The following NCALD variants were observed in gnomAD, a reference collection of about 807,000 sequenced individuals.
The protein encoded by NCALD is neurocalcin-delta.
In NCALD, 10 loss-of-function variants were observed where a neutral mutation model predicts 18.6. That is an observed-to-expected ratio of 0.54 (90% CI 0.33 to 0.91). The LOEUF (loss-of-function observed/expected upper bound fraction) is 0.91. NCALD is among the 40% of genes least tolerant of loss of function. NCALD has a pLI of 0.03. For missense variants in NCALD, 184 were observed against 247.6 expected, an observed-to-expected ratio of 0.74 and a Z score of 1.72; for synonymous variants, 88 against 87.4, an observed-to-expected ratio of 1.01 and a Z score of -0.04.
In NCALD at chr8:102,013,804, G is replaced by A. The variant is rs547580037; in HGVS notation, c.-157+6433C>T. Among the ~76,000 whole-genome samples the A allele has an allele frequency of 5.9e-5, 9 of 152,224 alleles. No homozygotes were observed. The East Asian group carries it at 1.3e-3, about 23-fold the overall frequency. On this transcript the variant is annotated intron_variant, in intron 2 of 6. Transcript: ENST00000311028. ...GCAGGTGCTTTAATCCAGAAATCAC[G>A]GCTAGCATTTTCTATGGAATTAAAG... is the stretch of plus-strand genomic sequence containing the variant.
At chr8:101,949,051 T>A (rs6468803) in intron 2 of NCALD, among the ~76,000 whole-genome samples, 67,622 of 151,952 alleles carry the variant, frequency 0.45, 15,395 homozygotes, top group African/African-American at 0.51. Flanking sequence ...GTCTGCCAGG[T>A]GCCACGTGTT....
chr8:102,090,929 C>T (rs1434154241), intron 1 of NCALD, among the ~76,000 whole-genome samples: 1 of 152,176 alleles, frequency 6.6e-6, no homozygotes, highest in African/African-American at 2.4e-5. Context: ...CAACATAGAG[C>T]CATTAGAAGC....
chr8:101,906,029 TGCA>T (rs1171920214), intron 3 of NCALD, among the ~76,000 whole-genome samples: 1 of 152,236 alleles, frequency 6.6e-6, no homozygotes, highest in Non-Finnish European at 1.5e-5. Context: ...TGCAAATGAA[TGCA>T]GTTTTTCACA....
chr8:102,041,641 A>G (rs901174500), intron 1 of NCALD, among the ~76,000 whole-genome samples: 15 of 152,250 alleles, frequency 9.9e-5, no homozygotes, highest in Non-Finnish European at 1.5e-5. Flanking sequence ...GATACAGGGA[A>G]TGCAGACACT....
intron 4 of NCALD, among the ~76,000 whole-genome samples, chr8:101,805,463 G>T (rs1285063959): frequency 2.0e-5 from 3 of 152,196 alleles, no homozygotes; most frequent in Non-Finnish European, 4.4e-5. Flanking sequence ...AAGCACAGCA[G>T]ATCAAAAATA....
chr8:101,819,236 T>C (rs1427881042), intron 4 of NCALD, among the ~76,000 whole-genome samples: 1 of 151,220 alleles, frequency 6.6e-6, no homozygotes, highest in African/African-American at 2.4e-5. Flanking sequence ...CTACATCACA[T>C]ATATTTGTTT....
At chr8:101,789,129 A>G (rs1415967601) in intron 1 of NCALD, 1 of 152,222 alleles carries the variant, frequency 6.6e-6, no homozygotes, top group Non-Finnish European at 1.5e-5. Context: ...AAAAACTATA[A>G]TGATAATTCC....
intron 2 of NCALD, among the ~76,000 whole-genome samples, chr8:101,993,997 C>T (rs1821145332): frequency 6.6e-6 from 1 of 152,172 alleles, no homozygotes; most frequent in Non-Finnish European, 1.5e-5. Context: ...AAAGTAGTGA[C>T]ATTTTCTTTC....
At chr8:101,841,802 G>A (rs921318053) in intron 4 of NCALD, among the ~76,000 whole-genome samples, 1 of 152,074 alleles carries the variant, frequency 6.6e-6, no homozygotes, top group African/African-American at 2.4e-5. Flanking sequence ...ACATAATTCT[G>A]GCCAAGGAGA....
chr8:101,800,487 G>C (rs1322815600), intron 4 of NCALD, among the ~76,000 whole-genome samples: 2 of 151,438 alleles, frequency 1.3e-5, no homozygotes, highest in Non-Finnish European at 3.0e-5. Flanking sequence ...AATAATAATA[G>C]AAAGAAATGG....
intron 1 of NCALD, among the ~76,000 whole-genome samples, chr8:102,031,633 G>A (rs1269709): frequency 0.9 from 137,280 of 152,216 alleles, 62,119 homozygotes; most frequent in African/African-American, 0.97. Flanking sequence ...ATCTCCATCA[G>A]GCTCCTTGAA....
chr8:101,778,540 A>C (rs571149804), intron 1 of NCALD, among the ~76,000 whole-genome samples: 1 of 152,290 alleles, frequency 6.6e-6, no homozygotes, highest in South Asian at 2.1e-4. Flanking sequence ...ATTCATAAAT[A>C]TAAAAAATGA....
At chr8:101,797,305 A>C (rs941256577) in intron 4 of NCALD, among the ~76,000 whole-genome samples, 2 of 152,230 alleles carry the variant, frequency 1.3e-5, no homozygotes, top group South Asian at 4.1e-4. Flanking sequence ...AAAGAAAATC[A>C]CACCTAGAAA....
chr8:101,799,666 G>GT (rs1440638176), intron 4 of NCALD, among the ~76,000 whole-genome samples: 2 of 152,154 alleles, frequency 1.3e-5, no homozygotes, highest in East Asian at 3.8e-4. Context: ...AGAAAAACAA[G>GT]TCTCAAAAGT....
chr8:102,011,595 T>G (rs1162397573), intron 2 of NCALD, among the ~76,000 whole-genome samples: 1 of 152,226 alleles, frequency 6.6e-6, no homozygotes, highest in African/African-American at 2.4e-5. Context: ...GACAATCTTA[T>G]GTATAAAACT....
intron 3 of NCALD, chr8:101,691,164 G>A (rs1346223410): frequency 1.0e-6 from 1 of 985,322 alleles, no homozygotes; most frequent in Non-Finnish European, 1.2e-6. Flanking sequence ...GCACTGAGCT[G>A]AAGCACCCAG....
At chr8:101,852,227 C>T (rs1815124563) in intron 4 of NCALD, among the ~76,000 whole-genome samples, 1 of 152,162 alleles carries the variant, frequency 6.6e-6, no homozygotes, top group African/African-American at 2.4e-5. Flanking sequence ...AGTAACTTTT[C>T]TCGAGGGAGT....
intron 1 of NCALD, among the ~76,000 whole-genome samples, chr8:102,092,202 A>C (rs1415967224): frequency 6.6e-6 from 1 of 152,248 alleles, no homozygotes; most frequent in African/African-American, 2.4e-5. Context: ...GGGCCATGAC[A>C]GTTTGCAAAT....
chr8:102,104,670 G>A (rs996242902), intron 1 of NCALD, among the ~76,000 whole-genome samples: 4 of 152,094 alleles, frequency 2.6e-5, no homozygotes, highest in South Asian at 2.1e-4. Flanking sequence ...GTTCAGTAGC[G>A]ATGTGGGTTG....
Sources: allele counts gnomAD v4.1 joint callset (sites outside exome capture counted in the v4.1 genomes callset), GRCh38; gene constraint gnomAD v4.1.1; transcripts MANE v1.5; gene names NCBI Gene and HGNC (gene_info 2026-07-23, HGNC 2026-07-21).